The following PCLO variants were observed in gnomAD, a reference collection of about 807,000 sequenced individuals.
PCLO encodes the protein protein piccolo.
In PCLO, 82 loss-of-function variants were observed where a neutral mutation model predicts 427.5. The ratio of observed to expected loss-of-function variants is 0.19; its 90% CI spans 0.16 to 0.23. The LOEUF (loss-of-function observed/expected upper bound fraction) is 0.23. Among genes scored for constraint, PCLO ranks in the 10% least tolerant of loss-of-function variants. The pLI is 1.00. For missense variants in PCLO, 6,239 were observed against 6,115.9 expected (o/e 1.02, Z -0.67); for synonymous variants, 2,357 against 2,155.4 (o/e 1.09, Z -2.59).
intron 22 of PCLO, among the ~76,000 whole-genome samples, chr7:82,763,650 G>A (rs1790474945): frequency 6.6e-6 from 1 of 151,932 alleles, no homozygotes; most frequent in South Asian, 2.1e-4. Flanking sequence ...CTTACATGTG[G>A]AAAAATATCT....
intron 3 of PCLO, among the ~76,000 whole-genome samples, chr7:83,081,519 AAAT>A (rs1417608058): frequency 2.6e-5 from 4 of 151,926 alleles, no homozygotes; most frequent in Non-Finnish European, 5.9e-5. Context: ...AATATCTGAA[AAAT>A]TTAGACCTGA....
intron 16 of PCLO, among the ~76,000 whole-genome samples, chr7:82,834,580 A>C (rs1185761024): frequency 2.6e-5 from 4 of 152,222 alleles, no homozygotes; most frequent in Non-Finnish European, 5.9e-5. Flanking sequence ...CTGTACCATT[A>C]ATAATCTGGG....
intron 3 of PCLO, among the ~76,000 whole-genome samples, chr7:83,007,428 T>TAAAATCAG (rs1357202113): frequency 6.6e-6 from 1 of 151,428 alleles, no homozygotes; most frequent in African/African-American, 2.4e-5. Flanking sequence ...ATTAAAATCA[T>TAAAATCAG]AACTAGACAA....
intron 22 of PCLO, among the ~76,000 whole-genome samples, chr7:82,789,350 T>C (rs1034637921): frequency 6.6e-6 from 1 of 152,200 alleles, no homozygotes; most frequent in African/African-American, 2.4e-5. Flanking sequence ...AATAACCTAA[T>C]TGAATTAGAG....
intron 3 of PCLO, among the ~76,000 whole-genome samples, chr7:83,100,024 ATC>A (rs1790697535): frequency 6.6e-6 from 1 of 152,180 alleles, no homozygotes; most frequent in African/African-American, 2.4e-5. Context: ...TACTAAAAGA[ATC>A]TCTGATATTC....
At position 83,154,796 on chromosome 7, in the gene PCLO, G is replaced by C. The variant is rs758376631; in HGVS notation, c.1845C>G (p.Thr615=). 6.2e-7 allele frequency: 1 copy of C among 1,613,984 alleles called. No individual in the cohort carries two copies. Among genetic ancestry groups the C allele is most frequent in the Admixed American group, 1.7e-5 (1 of 60,016 alleles). ...TAAAACCACAGAGACTACAGACAGT[G>C]GTTTGACACTCAGTGCATGTGTTAA... ...ANFNTCTECQ[T]TVCSLCGFNP... The change falls in exon 2 of 25, where the codon ACC becomes ACG. Residue 615 remains threonine, a synonymous_variant. Coordinates refer to ENST00000333891, the MANE Select transcript of PCLO (RefSeq NM_033026.6).
intron 20 of PCLO, among the ~76,000 whole-genome samples, chr7:82,814,848 G>A (rs1584003261): frequency 6.6e-6 from 1 of 151,716 alleles, no homozygotes; most frequent in Admixed American, 6.6e-5. Flanking sequence ...GACATCCCCC[G>A]CCCCTACCAG....
In PCLO at chr7:83,152,114, G is replaced by A. The variant is rs968231497; in HGVS notation, c.1893+2634C>T. On this transcript the variant is annotated intron_variant, in intron 2 of 24. Coordinates refer to ENST00000333891, the MANE Select transcript of PCLO (RefSeq NM_033026.6). ...CTAGTAGCTGGGACTACAAGCGCCC[G>A]CCACCACGCCCGGCTAATTTTTTGT... Among the ~76,000 whole-genome samples, 20 of 151,930 alleles carry A rather than the reference G, an allele frequency of 1.3e-4. No individual in the cohort carries two copies. In the South Asian group the frequency reaches 2.1e-3, roughly 16 times the overall value.
At chr7:82,975,573 G>C (rs1272295952) in intron 3 of PCLO, among the ~76,000 whole-genome samples, 1 of 152,160 alleles carries the variant, frequency 6.6e-6, no homozygotes, top group Non-Finnish European at 1.5e-5. Flanking sequence ...AGCTCTTCTT[G>C]CAGGGAAGAA....
rs1227262283 is a variant in PCLO at position 82,860,867 on chromosome 7, A to C, written c.13655-13620T>G. On this transcript the variant is annotated intron_variant, in intron 10 of 24. Transcript: ENST00000333891. Reference sequence around the variant, plus strand: ...TAGTTTTCTTTTTGCTTGTTTGTTTATGCAAATAGTGTTAAGTTATTATCA... The same window carrying C: ...TAGTTTTCTTTTTGCTTGTTTGTTTCTGCAAATAGTGTTAAGTTATTATCA... Among the ~76,000 whole-genome samples, 4 of 152,094 alleles carry C rather than the reference A, an allele frequency of 2.6e-5. No homozygotes were observed. The East Asian group carries it at 7.7e-4, about 29-fold the overall frequency.
At chr7:83,087,840 T>C (rs904143494) in intron 3 of PCLO, among the ~76,000 whole-genome samples, 1 of 152,194 alleles carries the variant, frequency 6.6e-6, no homozygotes, top group Non-Finnish European at 1.5e-5. Flanking sequence ...ACATAATTCA[T>C]AGCTAATGTA....
chr7:82,763,874 C>T (rs1790479727), intron 22 of PCLO, among the ~76,000 whole-genome samples: 1 of 151,984 alleles, frequency 6.6e-6, no homozygotes, highest in South Asian at 2.1e-4. Context: ...TTATATCCAG[C>T]TAACCTGTCT....
At chr7:83,081,819 A>T (rs1452333494) in intron 3 of PCLO, among the ~76,000 whole-genome samples, 2 of 151,744 alleles carry the variant, frequency 1.3e-5, no homozygotes, top group African/African-American at 4.8e-5. Flanking sequence ...AATTGCTTCT[A>T]TCAACTAGAT....
chr7:83,120,002 AT>A (rs1217451118), intron 3 of PCLO, among the ~76,000 whole-genome samples: 2 of 152,020 alleles, frequency 1.3e-5, no homozygotes, highest in African/African-American at 4.8e-5. Context: ...GGAGAAAAAA[AT>A]ATTTCTAATA....
chr7:83,057,078 A>G (rs1003348885), intron 3 of PCLO, among the ~76,000 whole-genome samples: 4 of 150,648 alleles, frequency 2.7e-5, no homozygotes, highest in African/African-American at 4.9e-5. Flanking sequence ...CTTTTTCTTT[A>G]ACCATATATA....
At chr7:82,930,494 C>T (rs768905792) in intron 6 of PCLO, among the ~76,000 whole-genome samples, 4 of 152,054 alleles carry the variant, frequency 2.6e-5, no homozygotes, top group Admixed American at 6.6e-5. Flanking sequence ...TGGTACAAAA[C>T]TTACTAAAAA....
intron 3 of PCLO, among the ~76,000 whole-genome samples, chr7:83,081,796 C>A (rs1177463030): frequency 1.3e-5 from 2 of 151,536 alleles, no homozygotes; most frequent in Non-Finnish European, 3.0e-5. Context: ...CTAATCTATT[C>A]TTTGCATTGC....
intron 3 of PCLO, among the ~76,000 whole-genome samples, chr7:83,055,189 C>T (rs1352914581): frequency 6.6e-6 from 1 of 152,066 alleles, no homozygotes; most frequent in African/African-American, 2.4e-5. Flanking sequence ...CAAATTCAAA[C>T]CCTAAAGGGC....
chr7:82,929,509 A>G (rs1285114215), intron 6 of PCLO, among the ~76,000 whole-genome samples: 1 of 152,222 alleles, frequency 6.6e-6, no homozygotes, highest in African/African-American at 2.4e-5. Flanking sequence ...TTTCTACATT[A>G]GCATATATGA....
Sources: gnomAD v4.1 joint callset for allele counts (sites outside exome capture counted in the v4.1 genomes callset) on GRCh38, gnomAD v4.1.1 for gene constraint, MANE v1.5 for transcripts, NCBI Gene and HGNC (gene_info 2026-07-23, HGNC 2026-07-21) for gene names.